Variants in ARID2 observed in about 807,000 individuals in gnomAD.
ARID2 encodes AT-rich interaction domain 2.
In ARID2, 32 loss-of-function variants were observed where a neutral mutation model predicts 184.6. The ratio of observed to expected loss-of-function variants is 0.17; its 90% CI spans 0.13 to 0.23. The LOEUF (loss-of-function observed/expected upper bound fraction) is 0.23. ARID2 is among the 10% of genes least tolerant of loss of function. ARID2 has a pLI of 1.00. For missense variants in ARID2, 1,696 were observed against 2,197.6 expected (o/e 0.77, Z 4.56); for synonymous variants, 836 against 772.6 (o/e 1.08, Z -1.36).
At position 45,852,333 on chromosome 12, in the gene ARID2, C is replaced by A. The variant is rs2138177918; in HGVS notation, c.4210C>A (p.Gln1404Lys). The A allele has an allele frequency of 6.2e-7, 1 of 1,614,132 alleles. No individual in the cohort carries two copies. Among genetic ancestry groups the A allele is most frequent in the Non-Finnish European group, 8.5e-7 (1 of 1,180,018 alleles). ...ACAAGGGACTTTAGATATCACTCAG[C>A]AAGATACTGCCAAAGGTGATCAACT... ...EPQGTLDITQ[Q>K]DTAKGDQLER... Residue 1404 changes from glutamine to lysine, a missense_variant, in exon 15 of 21, where the codon CAA becomes AAA. Physicochemically the swap from Gln to Lys is moderately conservative, Grantham distance 53. Around this residue, in one of 11 missense-constraint regions of ARID2, gnomAD observed 428 missense variants for 409.1 expected, o/e 1.05. Coordinates refer to ENST00000334344, the MANE Select transcript of ARID2 (RefSeq NM_152641.4).
intron 5 of ARID2, among the ~76,000 whole-genome samples, chr12:45,819,634 A>G (rs1201555958): frequency 6.6e-6 from 1 of 152,174 alleles, no homozygotes; most frequent in Non-Finnish European, 1.5e-5. Flanking sequence ...TTGAAGAAGT[A>G]TAATAAAAAT....
At chr12:45,904,705 AAAAAAAAAAG>A in intron 20 of ARID2, among the ~76,000 whole-genome samples, 1 of 151,078 alleles carries the variant, frequency 6.6e-6, no homozygotes, top group African/African-American at 2.4e-5. Flanking sequence ...AAAAAAAAAA[AAAAAAAAAAG>A]GTACTATGCA....
At chr12:45,773,429 TAAATC>T (rs1941916527) in intron 3 of ARID2, among the ~76,000 whole-genome samples, 2 of 151,978 alleles carry the variant, frequency 1.3e-5, no homozygotes, top group Non-Finnish European at 2.9e-5. Flanking sequence ...AAAAACTAGT[TAAATC>T]AAAATTAGTT....
At chr12:45,868,897 A>T (rs970113051) in intron 16 of ARID2, among the ~76,000 whole-genome samples, 8 of 152,104 alleles carry the variant, frequency 5.3e-5, no homozygotes, top group African/African-American at 1.9e-4. Flanking sequence ...GTTTTTTATG[A>T]TTTATTTGAG....
chr12:45,848,668 A>C (rs991207592), intron 12 of ARID2, among the ~76,000 whole-genome samples, 168 bp from the exon 13 acceptor site: 1 of 152,150 alleles, frequency 6.6e-6, no homozygotes, highest in African/African-American at 2.4e-5. Context: ...CTATTGATTT[A>C]ATCTAAAATT....
intron 16 of ARID2, among the ~76,000 whole-genome samples, chr12:45,865,331 ATGT>A (rs779836612): frequency 5.3e-5 from 8 of 152,158 alleles, no homozygotes; most frequent in East Asian, 3.8e-4. Context: ...TCCAAAAAAA[ATGT>A]TGTCTGCTGT....
intron 3 of ARID2, among the ~76,000 whole-genome samples, chr12:45,778,219 G>A (rs531613781): frequency 6.6e-6 from 1 of 151,984 alleles, no homozygotes; most frequent in East Asian, 1.9e-4. Flanking sequence ...AAAAAAGAAT[G>A]CTTAAAAGCC....
Position 45,861,646 on chromosome 12 carries a change from G to A in ARID2, c.4922+697G>A, listed in dbSNP as rs571699222. On this transcript the variant is annotated intron_variant, in intron 16 of 20. Transcript: ENST00000334344. ...GTTGTTCAGGCTGGAGTGCAGTGGC[G>A]CTATCTCCACTCACTGCAACCTCCA... Among the ~76,000 whole-genome samples, 8 of 145,554 alleles carry A rather than the reference G, an allele frequency of 5.5e-5. No homozygotes were observed. In the East Asian group the frequency reaches 1.0e-3, roughly 18 times the overall value.
chr12:45,906,344 G>T lies in ARID2; in HGVS notation c.*1266G>T. 8.6e-6 allele frequency: 2 copies of T among 232,992 alleles called. No individual in the cohort carries two copies. The highest frequency in any genetic ancestry group is 1.7e-5 in the Non-Finnish European group (2 of 117,776). 14.4% of individuals were successfully genotyped at this position (232,992 alleles called of 1,614,324 possible). A position where few individuals can be genotyped will look rare whatever the true frequency, so the allele number is the denominator to read the frequency against. ...TCCTTAAATTGTCTTTTTTCCCCCA[G>T]CGTGAAATGTATCCATTTATAACTG... On this transcript the variant is annotated 3_prime_UTR_variant, in exon 21 of 21. Coordinates refer to ENST00000334344, the MANE Select transcript of ARID2 (RefSeq NM_152641.4).
chr12:45,744,721 T>A (rs1394793458), intron 3 of ARID2, among the ~76,000 whole-genome samples: 1 of 152,222 alleles, frequency 6.6e-6, no homozygotes, highest in Non-Finnish European at 1.5e-5. Flanking sequence ...CAAGTCTTCA[T>A]TATAGGTTAA....
intron 3 of ARID2, among the ~76,000 whole-genome samples, chr12:45,772,215 A>G (rs1010560734): frequency 2.0e-5 from 3 of 152,228 alleles, no homozygotes; most frequent in African/African-American, 7.2e-5. Context: ...TGAGATACAC[A>G]CAGAACAAAA....
chr12:45,827,670 G>T (rs1943027867), intron 6 of ARID2, among the ~76,000 whole-genome samples: 1 of 152,106 alleles, frequency 6.6e-6, no homozygotes, highest in African/African-American at 2.4e-5. Flanking sequence ...CTTCCCTCAG[G>T]AGGTAATATC....
intron 3 of ARID2, among the ~76,000 whole-genome samples, chr12:45,748,783 T>G (rs1281056325): frequency 1.3e-5 from 2 of 152,196 alleles, no homozygotes. Context: ...GAGAATACAT[T>G]CTATCTCAAT....
chr12:45,744,118 C>T (rs185971429), intron 3 of ARID2, among the ~76,000 whole-genome samples: 43 of 152,064 alleles, frequency 2.8e-4, no homozygotes, highest in Admixed American at 2.4e-3. Flanking sequence ...TTGCATTGGC[C>T]AGTATATCCA....
chr12:45,766,172 C>CTT (rs527306642), intron 3 of ARID2, among the ~76,000 whole-genome samples: 1,499 of 145,906 alleles, frequency 0.01, 14 homozygotes, highest in Non-Finnish European at 0.017. Context: ...ATATATTTAA[C>CTT]TTTTTTTTTT....
intron 16 of ARID2, among the ~76,000 whole-genome samples, chr12:45,888,156 C>T (rs1944227714): frequency 6.7e-6 from 1 of 150,086 alleles, no homozygotes; most frequent in South Asian, 2.1e-4. Flanking sequence ...GATCGCGCCA[C>T]TGCACTCCAG....
At chr12:45,817,217 A>G (rs1942818679) in intron 4 of ARID2, among the ~76,000 whole-genome samples, 1 of 152,066 alleles carries the variant, frequency 6.6e-6, no homozygotes, top group Non-Finnish European at 1.5e-5. Flanking sequence ...AGTTGAGCAT[A>G]GTGGAGCCTT....
At chr12:45,854,251 T>C (rs751210307) in intron 15 of ARID2, among the ~76,000 whole-genome samples, 1 of 152,150 alleles carries the variant, frequency 6.6e-6, no homozygotes, top group Non-Finnish European at 1.5e-5. Flanking sequence ...AGTTGTATAA[T>C]TATTTCATTA....
At chr12:45,854,923 C>T (rs1943618837) in intron 15 of ARID2, among the ~76,000 whole-genome samples, 1 of 152,152 alleles carries the variant, frequency 6.6e-6, no homozygotes, top group Non-Finnish European at 1.5e-5. Flanking sequence ...GTAACTTGCC[C>T]AAGGTTACCA....
Sources: gnomAD v4.1 joint callset for allele counts (sites outside exome capture counted in the v4.1 genomes callset) on GRCh38, gnomAD v4.1.1 for gene constraint, gnomAD v4.1.1 regional missense constraint, MANE v1.5 for transcripts, NCBI Gene and HGNC (gene_info 2026-07-23, HGNC 2026-07-21) for gene names.